Variants in CA1 observed in about 807,000 individuals in gnomAD.
The protein encoded by CA1 is carbonate dehydratase I.
CA1 carries 27 observed loss-of-function variants against 28.8 expected under a neutral mutation model. The ratio of observed to expected loss-of-function variants is 0.94; its 90% CI spans 0.69 to 1.29. CA1 has a LOEUF of 1.29. Among genes scored for constraint, CA1 ranks in the 50% most tolerant of loss-of-function variants. The pLI is 0.00. For missense variants in CA1, 335 were observed against 310.5 expected (o/e 1.08, Z -0.59); for synonymous variants, 121 against 108.8 (o/e 1.11, Z -0.70).
Position 85,336,064 on chromosome 8 carries a change from TTG to T in CA1, c.354+879_354+880del, listed in dbSNP as rs374972131. On this transcript the variant is annotated intron_variant, in intron 4 of 7. Transcript: ENST00000523022. ...AAACCAATATAACAAAAATCATATG[TTG>T]TGATTGTTCATCAATAGAAGGCAGT... Among the ~76,000 whole-genome samples the T allele has an allele frequency of 1.4e-4, 22 of 152,290 alleles. 1 individual carries two copies. In the East Asian group the frequency reaches 4.1e-3, roughly 28 times the overall value.
chr8:85,337,831 G>A (rs1223262156), intron 3 of CA1, among the ~76,000 whole-genome samples: 1 of 152,168 alleles, frequency 6.6e-6, no homozygotes, highest in Non-Finnish European at 1.5e-5. Flanking sequence ...AGATTCTGGA[G>A]TATAAGGATA....
intron 1 of CA1, among the ~76,000 whole-genome samples, chr8:85,361,124 G>T (rs1203934970): frequency 2.0e-5 from 3 of 152,134 alleles, no homozygotes; most frequent in Non-Finnish European, 2.9e-5. Flanking sequence ...TAATAACTCT[G>T]AGGCTCAGGC....
chr8:85,333,562 T>C lies in CA1; in HGVS notation c.413A>G (p.Lys138Arg). 6.2e-7 allele frequency: 1 copy of C among 1,612,934 alleles called. No homozygotes were observed. The highest frequency in any genetic ancestry group is 1.3e-5 in the African/African-American group (1 of 75,014). The change falls in exon 5 of 8, where the codon AAG becomes AGG. Residue 138 changes from lysine to arginine, a missense_variant. Lys to Arg is a conservative substitution (Grantham distance 26). Transcript: ENST00000523022. ...KYSSLAEAAS[K>R]ADGLAVIGVL... ...ACCAATAACTGCCAAACCATCAGCC[T>C]TTGAGGCAGCTTCAGCAAGGCTGGA...
intron 2 of CA1, among the ~76,000 whole-genome samples, chr8:85,339,772 T>C (rs1303763700): frequency 6.6e-6 from 1 of 152,202 alleles, no homozygotes; most frequent in East Asian, 1.9e-4. Context: ...AGCAGCATTA[T>C]TGCTGATATG....
At chr8:85,362,779 C>T (rs1398157119) in intron 1 of CA1, among the ~76,000 whole-genome samples, 1 of 152,070 alleles carries the variant, frequency 6.6e-6, no homozygotes, top group Non-Finnish European at 1.5e-5. Flanking sequence ...GTTGATGTAG[C>T]AGAAAAGAGT....
chr8:85,330,726 C>T (rs114006454), intron 6 of CA1, among the ~76,000 whole-genome samples: 2,213 of 152,226 alleles, frequency 0.015, 53 homozygotes, highest in African/African-American at 0.05. Flanking sequence ...ATGAGGTTTT[C>T]TTCACCTTTA....
chr8:85,329,026 A>G (rs1400252834), intron 7 of CA1, among the ~76,000 whole-genome samples: 3 of 152,144 alleles, frequency 2.0e-5, no homozygotes, highest in Non-Finnish European at 4.4e-5. Flanking sequence ...CTTAGTTTCC[A>G]TAAGTACTTA....
At chr8:85,334,665 A>T in intron 4 of CA1, among the ~76,000 whole-genome samples, 1 of 140,950 alleles carries the variant, frequency 7.1e-6, no homozygotes, top group Non-Finnish European at 1.5e-5. Context: ...CCTTCCTCTG[A>T]AATTTTTATT....
chr8:85,376,249 T>G (rs1289441899), intron 1 of CA1, among the ~76,000 whole-genome samples: 1 of 152,090 alleles, frequency 6.6e-6, no homozygotes, highest in Non-Finnish European at 1.5e-5. Flanking sequence ...GAGAATTGCT[T>G]GAACCGGGAG....
chr8:85,358,335 C>T (rs532983311), intron 1 of CA1, among the ~76,000 whole-genome samples: 1 of 152,304 alleles, frequency 6.6e-6, no homozygotes, highest in South Asian at 2.1e-4. Context: ...TCACTCTCCA[C>T]TTTGGCCAAT....
At chr8:85,377,442 A>G (rs1564056262) in intron 1 of CA1, among the ~76,000 whole-genome samples, 2 of 152,230 alleles carry the variant, frequency 1.3e-5, no homozygotes, top group Admixed American at 1.3e-4. Context: ...AACCAAGTCT[A>G]TCAATTGCAT....
chr8:85,353,099 G>A (rs1809473426), intron 1 of CA1, among the ~76,000 whole-genome samples: 1 of 152,164 alleles, frequency 6.6e-6, no homozygotes, highest in Non-Finnish European at 1.5e-5. Context: ...CTCTCCAGTG[G>A]TCAAAAATTT....
chr8:85,341,830 AAATTCT>A lies in CA1; in HGVS notation c.-24-177_-24-172del, dbSNP rs770540546. Reference sequence around the variant, plus strand: ...ATATCTAAAAAAAAGGTGTTGTAAAAAATTCTACAAGGGCTATGTTAGTTTCAATTG... The same window carrying A: ...ATATCTAAAAAAAAGGTGTTGTAAAAACAAGGGCTATGTTAGTTTCAATTG... On this transcript the variant is annotated intron_variant, in intron 1 of 7. Transcript: ENST00000523022. The A allele has an allele frequency of 3.2e-4, 177 of 551,674 alleles. 1 individual carries two copies. Among genetic ancestry groups the A allele is most frequent in the Admixed American group, 1.7e-3 (52 of 31,474 alleles). The allele number at this position is 551,674 out of a possible 1,614,324, so 34.2% of individuals were successfully genotyped here. A position where few individuals can be genotyped will look rare whatever the true frequency, so the allele number is the denominator to read the frequency against.
Position 85,333,559 on chromosome 8 carries a change from GC to G in CA1, c.415del (p.Ala139LeufsTer10). 6.2e-7 allele frequency: 1 copy of G among 1,612,768 alleles called. No homozygotes were observed. Among genetic ancestry groups the G allele is most frequent in the South Asian group, 1.1e-5 (1 of 91,052 alleles). On this transcript the variant is annotated frameshift_variant, in exon 5 of 8. Transcript: ENST00000523022. LOFTEE classifies it high-confidence loss of function. The part of the protein sequence containing the change: ...YSSLAEAASK[A>X]DGLAVIGVLM... ...AACACCAATAACTGCCAAACCATCA[GC>G]CTTTGAGGCAGCTTCAGCAAGGCTG...
chr8:85,376,944 A>G (rs546347935), intron 1 of CA1, among the ~76,000 whole-genome samples: 299 of 152,292 alleles, frequency 2.0e-3, no homozygotes, highest in Non-Finnish European at 3.6e-3. Flanking sequence ...TCATACATCT[A>G]TCTATTCTCT....
At position 85,327,975 on chromosome 8, in the gene CA1, G is replaced by T. The variant is rs950973182; in HGVS notation, c.*585C>A. The T allele has an allele frequency of 2.6e-5, 4 of 152,300 alleles. No homozygotes were observed. The highest frequency in any genetic ancestry group is 9.7e-5 in the African/African-American group (4 of 41,430). The allele number at this position is 152,300 out of a possible 1,614,324, so 9.4% of individuals were successfully genotyped here. A position where few individuals can be genotyped will look rare whatever the true frequency, so the allele number is the denominator to read the frequency against. ...AGAAGCGTCATCTTCCTATATAAAA[G>T]ATAATCATTTTGATCACAGACAACA... On this transcript the variant is annotated 3_prime_UTR_variant, in exon 8 of 8. Coordinates refer to ENST00000523022, the MANE Select transcript of CA1 (RefSeq NM_001128831.4).
chr8:85,346,713 G>C (rs1388687159), intron 1 of CA1, among the ~76,000 whole-genome samples: 1 of 152,100 alleles, frequency 6.6e-6, no homozygotes, highest in Non-Finnish European at 1.5e-5. Flanking sequence ...AGTGAGCTGA[G>C]ACTGCACTGC....
chr8:85,376,060 G>T (rs1334052335), intron 1 of CA1, among the ~76,000 whole-genome samples: 1 of 152,208 alleles, frequency 6.6e-6, no homozygotes, highest in Admixed American at 6.5e-5. Context: ...GCTGGGCATG[G>T]TGGCTCATGC....
intron 1 of CA1, among the ~76,000 whole-genome samples, chr8:85,363,048 A>T (rs771876787): frequency 7.2e-5 from 11 of 152,210 alleles, no homozygotes; most frequent in Non-Finnish European, 1.6e-4. Context: ...TTAAGTCTAC[A>T]TAGGTTTGCT....
Sources: allele counts gnomAD v4.1 joint callset (sites outside exome capture counted in the v4.1 genomes callset), GRCh38; gene constraint gnomAD v4.1.1; transcripts MANE v1.5; gene names NCBI Gene and HGNC (gene_info 2026-07-23, HGNC 2026-07-21).